Variants in BLTP3A observed in about 807,000 individuals in gnomAD.
BLTP3A encodes the protein bridge-like lipid transfer protein family member 3A, also known as ICBP90 binding protein 1.
At chr6:34,801,701 TTTTATTTA>T in the BLTP3A span, among the ~76,000 whole-genome samples, 188 of 150,936 alleles carry the variant, frequency 1.2e-3, 1 homozygote, top group African/African-American at 2.9e-3. Flanking sequence ...CACAGCTTTA[TTTTATTTA>T]TTTATTTATT....
chr6:34,867,353 A>G, the BLTP3A span: 2 of 1,614,172 alleles, frequency 1.2e-6, no homozygotes, highest in African/African-American at 1.3e-5. Flanking sequence ...AGTTTCACCC[A>G]GTGGAGAAGA....
the BLTP3A span, among the ~76,000 whole-genome samples, chr6:34,867,795 G>A: frequency 6.6e-6 from 1 of 152,164 alleles, no homozygotes; most frequent in African/African-American, 2.4e-5. Context: ...GCCTCTCAGA[G>A]CTCTTTCTGG....
At chr6:34,811,785 G>A in the BLTP3A span, among the ~76,000 whole-genome samples, 3 of 151,702 alleles carry the variant, frequency 2.0e-5, no homozygotes, top group Non-Finnish European at 2.9e-5. Context: ...CTTGAACCCA[G>A]GAGGTGGTTT....
the BLTP3A span, among the ~76,000 whole-genome samples, chr6:34,795,108 G>A: frequency 1.7e-4 from 25 of 150,916 alleles, no homozygotes; most frequent in Non-Finnish European, 1.9e-4. Context: ...TTTTAGAGAC[G>A]GAATCTTGCT....
At chr6:34,792,458 G>T in the BLTP3A span, among the ~76,000 whole-genome samples, 1 of 151,922 alleles carries the variant, frequency 6.6e-6, no homozygotes, top group Admixed American at 6.5e-5. Context: ...TTCCCCCCGC[G>T]CCCGCCGGCG....
chr6:34,865,351 T>C, the BLTP3A span, among the ~76,000 whole-genome samples: 3 of 152,246 alleles, frequency 2.0e-5, no homozygotes, highest in Admixed American at 2.0e-4. Context: ...CAGATTCATC[T>C]ACGTTATCAC....
chr6:34,858,214 A>G, the BLTP3A span: 1 of 1,614,118 alleles, frequency 6.2e-7, no homozygotes, highest in South Asian at 1.1e-5. Flanking sequence ...TGCCACCAAT[A>G]CACGTCATGC....
At chr6:34,867,638 C>T in the BLTP3A span, 55 of 1,605,756 alleles carry the variant, frequency 3.4e-5, no homozygotes, top group Admixed American at 7.4e-4. Flanking sequence ...AGTCATTCCA[C>T]GACAGATCAT....
the BLTP3A span, chr6:34,821,817 T>C: frequency 6.2e-7 from 1 of 1,614,024 alleles, no homozygotes; most frequent in Non-Finnish European, 8.5e-7. Context: ...TCCATCCGGG[T>C]GAGAATGAGG....
chr6:34,802,383 T>G, the BLTP3A span, among the ~76,000 whole-genome samples: 46 of 151,138 alleles, frequency 3.0e-4, no homozygotes, highest in Non-Finnish European at 5.5e-4. Context: ...ATTTTTTTTT[T>G]TTTTGAGACG....
At chr6:34,795,960 T>C in the BLTP3A span, among the ~76,000 whole-genome samples, 66 of 152,296 alleles carry the variant, frequency 4.3e-4, no homozygotes, top group African/African-American at 1.4e-3. Context: ...TGTGTTTGTT[T>C]AGCTTGGAAA....
At chr6:34,797,458 A>C in the BLTP3A span, among the ~76,000 whole-genome samples, 160 of 152,274 alleles carry the variant, frequency 1.1e-3, 1 homozygote, top group African/African-American at 3.6e-3. Context: ...AAGATCTTAG[A>C]GATCATCGGG....
chr6:34,831,092 A>G, the BLTP3A span, among the ~76,000 whole-genome samples: 1 of 149,868 alleles, frequency 6.7e-6, no homozygotes, highest in Non-Finnish European at 1.5e-5. Context: ...GATATCTTCT[A>G]CTCTGTACAG....
the BLTP3A span, among the ~76,000 whole-genome samples, chr6:34,832,381 A>G: frequency 2.0e-5 from 3 of 151,918 alleles, no homozygotes; most frequent in Admixed American, 6.6e-5. Flanking sequence ...TTAGCCTCCC[A>G]AAGTGTTAGG....
the BLTP3A span, among the ~76,000 whole-genome samples, chr6:34,830,457 G>C: frequency 6.6e-6 from 1 of 152,098 alleles, no homozygotes; most frequent in African/African-American, 2.4e-5. Flanking sequence ...GGGCATGATG[G>C]CGTGCGCCTG....
At chr6:34,859,529 T>C in the BLTP3A span, 8 of 1,614,008 alleles carry the variant, frequency 5.0e-6, no homozygotes, top group South Asian at 8.8e-5. Flanking sequence ...AGAGATCGAA[T>C]GACCTCCACC....
At chr6:34,829,970 G>A in the BLTP3A span, among the ~76,000 whole-genome samples, 67,361 of 151,250 alleles carry the variant, frequency 0.45, 16,988 homozygotes, top group African/African-American at 0.7. Flanking sequence ...ACGCCTCACT[G>A]ATTTTTTTGT....
At chr6:34,812,787 A>T in the BLTP3A span, among the ~76,000 whole-genome samples, 1 of 152,192 alleles carries the variant, frequency 6.6e-6, no homozygotes, top group African/African-American at 2.4e-5. Context: ...ACCTATTAGG[A>T]CAAACCTCTA....
chr6:34,819,900 A>G, the BLTP3A span, among the ~76,000 whole-genome samples: 70 of 152,200 alleles, frequency 4.6e-4, no homozygotes, highest in African/African-American at 1.7e-3. Flanking sequence ...TGCTGATTGC[A>G]CACTTACAGT....
Sources: allele counts gnomAD v4.1 joint callset (sites outside exome capture counted in the v4.1 genomes callset), GRCh38; gene constraint gnomAD v4.1.1; transcripts MANE v1.5; gene names NCBI Gene and HGNC (gene_info 2026-07-23, HGNC 2026-07-21).